The following CACNA1D variants were observed in gnomAD, a reference collection of about 807,000 sequenced individuals.
The protein encoded by CACNA1D is calcium voltage-gated channel subunit alpha1 D, also known as voltage-dependent L-type calcium channel subunit alpha-1D.
A neutral mutation model predicts 257.1 loss-of-function variants in CACNA1D; 55 were observed. The ratio of observed to expected loss-of-function variants is 0.21; its 90% CI spans 0.17 to 0.27. CACNA1D has a LOEUF of 0.27. Ranked by LOEUF, CACNA1D falls within the 10% of genes least tolerant of loss-of-function variation. The pLI, the probability that CACNA1D is intolerant of heterozygous loss-of-function variation, is 1.00. For synonymous variants in CACNA1D, 980 were observed against 1,014.9 expected, an observed-to-expected ratio of 0.97 and a Z score of 0.65; for missense variants, 1,876 against 2,784.0, an observed-to-expected ratio of 0.67 and a Z score of 7.34.
rs968005312 is a variant in CACNA1D, at chr3:53,800,058, T to C, written c.4924-191T>C. On this transcript the variant is annotated intron_variant, in intron 40 of 47. Coordinates refer to ENST00000350061, the MANE Select transcript of CACNA1D (RefSeq NM_001128840.3). The surrounding 1 kb of genome is among the most constrained non-coding windows in gnomAD (Gnocchi z 4.3). ...CTCAGGCATCCTACCTAGGACCTTC[T>C]TGACCCTCTGGATGCCTGACCATAC... The C allele has an allele frequency of 1.2e-5, 8 of 693,428 alleles. No homozygotes were observed. The highest frequency in any genetic ancestry group is 2.1e-5 in the Non-Finnish European group (8 of 382,442). The allele number at this position is 693,428 out of a possible 1,614,324, so 43.0% of individuals were successfully genotyped here. A position where few individuals can be genotyped will look rare whatever the true frequency, so the allele number is the denominator to read the frequency against.
intron 8 of CACNA1D, among the ~76,000 whole-genome samples, chr3:53,702,405 C>T (rs1464990040): frequency 2.0e-5 from 3 of 152,180 alleles, no homozygotes; most frequent in Admixed American, 6.5e-5. Context: ...AGTTCATTTT[C>T]TAAGAAATGA....
chr3:53,668,308 G>A (rs1217079029), intron 7 of CACNA1D, among the ~76,000 whole-genome samples: 3 of 152,126 alleles, frequency 2.0e-5, no homozygotes. Context: ...CTGTTGCCAA[G>A]CAAGTGTAAA....
intron 3 of CACNA1D, among the ~76,000 whole-genome samples, chr3:53,510,528 T>A (rs975586633): frequency 1.3e-5 from 2 of 152,256 alleles, no homozygotes; most frequent in Non-Finnish European, 2.9e-5. Flanking sequence ...AATATCCTTT[T>A]GTATGCTTCT....
intron 20 of CACNA1D, among the ~76,000 whole-genome samples, chr3:53,736,141 A>C (rs1265086852): frequency 6.6e-6 from 1 of 152,124 alleles, no homozygotes; most frequent in Non-Finnish European, 1.5e-5. Flanking sequence ...GGAGTTCAAG[A>C]CTAGCCTGGG....
rs1341858738 is a variant in CACNA1D, at chr3:53,721,071, A to C, written c.1506-1243A>C. On this transcript the variant is annotated intron_variant, in intron 11 of 47. Transcript: ENST00000350061. ...CACCAGTATGATGGAGTACTAGTTC[A>C]TGTCTGCTGAGTTATGCATCCTAGG... 2.6e-5 allele frequency among the ~76,000 whole-genome samples: 4 copies of C among 152,208 alleles called. No homozygotes were observed. The East Asian group carries it at 7.7e-4, about 29-fold the overall frequency.
intron 3 of CACNA1D, among the ~76,000 whole-genome samples, chr3:53,555,864 C>T (rs1030102314): frequency 2.0e-4 from 31 of 152,198 alleles, no homozygotes; most frequent in African/African-American, 7.2e-4. Context: ...GGGGTGTGTG[C>T]ACGTGTATAC....
At chr3:53,600,124 T>C (rs1385367682) in intron 3 of CACNA1D, among the ~76,000 whole-genome samples, 1 of 152,270 alleles carries the variant, frequency 6.6e-6, no homozygotes, top group Non-Finnish European at 1.5e-5. Context: ...TCAGGGCCTC[T>C]GTCCTTGGGA....
In CACNA1D at chr3:53,775,141, TA is replaced by T. The variant is rs556256253; in HGVS notation, c.4202+464del. Among the ~76,000 whole-genome samples the T allele has an allele frequency of 2.0e-3, 306 of 152,368 alleles. 2 individuals are homozygous for T. The highest frequency in any genetic ancestry group is 6.5e-3 in the African/African-American group (272 of 41,586). On this transcript the variant is annotated intron_variant, in intron 34 of 47. Transcript: ENST00000350061. ...AACTTTGTAAAACAAGCTGCCCTCA[TA>T]GTGAGAAAACTTTCTAGAGATCATG...
At chr3:53,574,480 G>T (rs1477057352) in intron 3 of CACNA1D, among the ~76,000 whole-genome samples, 1 of 152,166 alleles carries the variant, frequency 6.6e-6, no homozygotes, top group South Asian at 2.1e-4. Context: ...AACACAAAAT[G>T]TTGTGTTGGA....
At chr3:53,794,308 A>C (rs1392384679) in intron 40 of CACNA1D, among the ~76,000 whole-genome samples, 1 of 152,200 alleles carries the variant, frequency 6.6e-6, no homozygotes, top group Non-Finnish European at 1.5e-5. Flanking sequence ...AAGACTTACT[A>C]ACAGTTCTAG....
chr3:53,645,447 A>G (rs1559461355), intron 3 of CACNA1D, among the ~76,000 whole-genome samples: 1 of 152,146 alleles, frequency 6.6e-6, no homozygotes, highest in Non-Finnish European at 1.5e-5. Flanking sequence ...TCACTGTTTT[A>G]GGTCTTAATG....
At chr3:53,682,728 A>G (rs11925053) in intron 8 of CACNA1D, among the ~76,000 whole-genome samples, 46,884 of 152,020 alleles carry the variant, frequency 0.31, 7,268 homozygotes, top group Middle Eastern at 0.4. Context: ...GGCTGCAGTA[A>G]TATGAATAGA....
rs2633724 is a variant in CACNA1D at position 53,718,093 on chromosome 3, T to C, written c.1391-208T>C. ...TGTCCTCCTCGAGGGGGACTGTGTT[T>C]CCTACAGGCCATGGGTGCAGAGACT... On this transcript the variant is annotated intron_variant, in intron 9 of 47. Transcript: ENST00000350061. Among the ~76,000 whole-genome samples, 133,663 of 152,156 alleles carry C rather than the reference T, an allele frequency of 0.88. 58,826 individuals are homozygous for C. The highest frequency in any genetic ancestry group is 1 in the East Asian group (5,160 of 5,162).
chr3:53,735,605 A>G (rs2108788071), intron 20 of CACNA1D, 102 bp downstream of exon 20: 1 of 1,299,828 alleles, frequency 7.7e-7, no homozygotes, highest in East Asian at 2.4e-5. Flanking sequence ...GGTGACAGCT[A>G]GAGTAGGTCT....
At chr3:53,574,193 C>A (rs559837569) in intron 3 of CACNA1D, among the ~76,000 whole-genome samples, 1 of 152,274 alleles carries the variant, frequency 6.6e-6, no homozygotes, top group African/African-American at 2.4e-5. Flanking sequence ...GCCCTGTCTC[C>A]CCTTCCTTCT....
rs374219729 is a variant in CACNA1D, at chr3:53,717,374, G to C, written c.1391-927G>C. Among the ~76,000 whole-genome samples the C allele has an allele frequency of 1.8e-3, 277 of 151,544 alleles. 6 individuals carry two copies. The South Asian group carries it at 0.047, about 26-fold the overall frequency. ...GTGCAGTGCTGTGTGCCCTCTTTTT[G>C]CCCCTGCCCTCCTCCACTGCCTGGG... On this transcript the variant is annotated intron_variant, in intron 9 of 47. Transcript: ENST00000350061.
intron 45 of CACNA1D, 62 bp from the exon 46 acceptor site, chr3:53,808,587 G>C (rs542700987): frequency 1.3e-6 from 2 of 1,599,128 alleles, no homozygotes; most frequent in African/African-American, 1.3e-5. Context: ...CCCTGACTCT[G>C]AAAGACGGTG....
intron 29 of CACNA1D, among the ~76,000 whole-genome samples, chr3:53,758,981 C>G (rs942550429): frequency 6.6e-6 from 1 of 152,146 alleles, no homozygotes; most frequent in Non-Finnish European, 1.5e-5. Context: ...AATAGGGAAA[C>G]AGTATGTGGG....
chr3:53,780,175 A>C lies in CACNA1D; in HGVS notation c.4690+47A>C, dbSNP rs141795278. 1.2e-5 allele frequency: 17 copies of C among 1,387,110 alleles called. No individual in the cohort carries two copies. The African/African-American group carries it at 1.6e-4, about 13-fold the overall frequency. 85.9% of individuals were successfully genotyped at this position (1,387,110 alleles called of 1,614,324 possible). ...GACAAGATGGCAGGAAAGGAGAGAG[A>C]CATCACATCCCATCTTGCCTTCCTC... is the stretch of plus-strand genomic sequence containing the variant. On this transcript the variant is annotated intron_variant, in intron 38 of 47. Transcript: ENST00000350061.
Sources: gnomAD v4.1 joint callset for allele counts (sites outside exome capture counted in the v4.1 genomes callset) on GRCh38, gnomAD v4.1.1 for gene constraint, Gnocchi (gnomAD v3.1) non-coding constraint, MANE v1.5 for transcripts, NCBI Gene and HGNC (gene_info 2026-07-23, HGNC 2026-07-21) for gene names.